Variants in MAGI2 observed in about 807,000 individuals in gnomAD.
MAGI2 encodes membrane-associated guanylate kinase, WW and PDZ domain-containing protein 2.
MAGI2 carries 35 observed loss-of-function variants against 133.3 expected under a neutral mutation model. That is an observed-to-expected ratio of 0.26 (90% CI 0.20 to 0.35). The LOEUF is 0.35. Among genes scored for constraint, MAGI2 ranks in the 10% least tolerant of loss-of-function variants. MAGI2 has a pLI of 1.00. For missense variants in MAGI2, 1,636 were observed against 1,863.4 expected, an observed-to-expected ratio of 0.88 and a Z score of 2.25; for synonymous variants, 729 against 710.6, an observed-to-expected ratio of 1.03 and a Z score of -0.41.
At chr7:78,920,093 A>C (rs572270240) in intron 2 of MAGI2, among the ~76,000 whole-genome samples, 3 of 152,242 alleles carry the variant, frequency 2.0e-5, no homozygotes, top group African/African-American at 7.2e-5. Flanking sequence ...TAAAATTTTT[A>C]CTAAGCCTCT....
At chr7:78,914,651 A>G (rs550906027) in intron 2 of MAGI2, among the ~76,000 whole-genome samples, 1 of 152,312 alleles carries the variant, frequency 6.6e-6, no homozygotes, top group African/African-American at 2.4e-5. Flanking sequence ...CTTCATTAGG[A>G]AGGAACTCCT....
rs749485218 is a variant in MAGI2, at chr7:78,019,302, G to T, written c.*13C>A. 1.3e-6 allele frequency: 2 copies of T among 1,570,218 alleles called. No homozygotes were observed. Among genetic ancestry groups the T allele is most frequent in the Non-Finnish European group, 8.6e-7 (1 of 1,167,848 alleles). On this transcript the variant is annotated 3_prime_UTR_variant, in exon 22 of 22. Coordinates refer to ENST00000354212, the MANE Select transcript of MAGI2 (RefSeq NM_012301.4). The stretch of plus-strand genomic sequence containing the variant: ...CTGCGCCGGGGCGGGCGGGTTGGCC[G>T]TGGCCGCGCGGCTCATCTGCTGGCG...
At chr7:79,195,808 T>C (rs1292198411) in intron 1 of MAGI2, among the ~76,000 whole-genome samples, 2 of 151,752 alleles carry the variant, frequency 1.3e-5, no homozygotes, top group Non-Finnish European at 2.9e-5. Context: ...AGATTTAATA[T>C]ACAACAACAT....
intron 9 of MAGI2, among the ~76,000 whole-genome samples, chr7:78,343,147 T>C (rs1043152629): frequency 6.6e-6 from 1 of 152,210 alleles, no homozygotes; most frequent in Non-Finnish European, 1.5e-5. Flanking sequence ...TACTTTTTCA[T>C]TTACTCTGTG....
At chr7:78,671,132 C>T (rs563304038) in intron 2 of MAGI2, among the ~76,000 whole-genome samples, 2 of 152,112 alleles carry the variant, frequency 1.3e-5, no homozygotes, top group African/African-American at 2.4e-5. Context: ...CAGGCACTTA[C>T]TTAATTTGCT....
intron 2 of MAGI2, among the ~76,000 whole-genome samples, chr7:78,732,433 TCTC>T (rs1821457197): frequency 1.3e-5 from 2 of 152,130 alleles, no homozygotes; most frequent in African/African-American, 4.8e-5. Context: ...TTGTGATGGG[TCTC>T]CTCATCTCAT....
intron 3 of MAGI2, among the ~76,000 whole-genome samples, chr7:78,533,067 A>G (rs58402375): frequency 0.36 from 53,967 of 151,602 alleles, 9,787 homozygotes; most frequent in South Asian, 0.45. Flanking sequence ...TCAGCCTCCC[A>G]AGTAGCTGGG....
intron 2 of MAGI2, among the ~76,000 whole-genome samples, chr7:78,784,203 G>GTTTTTTTTTTT (rs36109639): frequency 1.4e-5 from 2 of 147,280 alleles, no homozygotes. Context: ...AATGTTTTAG[G>GTTTTTTTTTTT]TTTTTTTTTT....
In MAGI2 at chr7:78,109,084, C is replaced by G. The variant is rs542769822; in HGVS notation, c.3567+16610G>C. On this transcript the variant is annotated intron_variant, in intron 20 of 21. Transcript: ENST00000354212. Reference sequence around the variant, plus strand: ...CTTTGGGAGGCCGAGGCGGGCGGATCACGAGGTCAGGAGATTGAGACCATC... The same window carrying G: ...CTTTGGGAGGCCGAGGCGGGCGGATGACGAGGTCAGGAGATTGAGACCATC... 4.2e-3 allele frequency among the ~76,000 whole-genome samples: 632 copies of G among 151,426 alleles called. 5 individuals are homozygous for G. The highest frequency in any genetic ancestry group is 9.6e-3 in the African/African-American group (395 of 41,332).
At chr7:78,127,552 C>T (rs1821120226) in intron 18 of MAGI2, 136 bp from the exon 19 acceptor site, 2 of 637,706 alleles carry the variant, frequency 3.1e-6, no homozygotes, top group East Asian at 6.0e-5. Flanking sequence ...GTTGGATGCT[C>T]AGGATTATGA....
intron 6 of MAGI2, among the ~76,000 whole-genome samples, chr7:78,448,360 C>G (rs972718080): frequency 6.6e-6 from 1 of 151,974 alleles, no homozygotes; most frequent in Non-Finnish European, 1.5e-5. Context: ...ATACTATTTT[C>G]CATAATGGAT....
At chr7:79,306,781 C>T (rs529129645) in intron 1 of MAGI2, among the ~76,000 whole-genome samples, 7 of 151,802 alleles carry the variant, frequency 4.6e-5, no homozygotes, top group African/African-American at 7.3e-5. Context: ...ATTGAATCTA[C>T]GTGTAAATCT....
chr7:78,794,034 C>T (rs1355424763), intron 2 of MAGI2, among the ~76,000 whole-genome samples: 2 of 152,208 alleles, frequency 1.3e-5, no homozygotes, highest in Non-Finnish European at 2.9e-5. Flanking sequence ...CTAGATGGTA[C>T]TTGCATCTGA....
In MAGI2 at chr7:78,579,119, T is replaced by A. The variant is rs137949486; in HGVS notation, c.538+48001A>T. On this transcript the variant is annotated intron_variant, in intron 3 of 21. Coordinates refer to ENST00000354212, the MANE Select transcript of MAGI2 (RefSeq NM_012301.4). ...TCCTGCTAGACTATAAGCTCCATGC[T>A]ACTTAAAGGAAAAATAAAAAGCAAC... Among the ~76,000 whole-genome samples the A allele has an allele frequency of 4.2e-3, 640 of 152,258 alleles. 5 individuals carry two copies. Among genetic ancestry groups the A allele is most frequent in the African/African-American group, 0.015 (614 of 41,536 alleles).
chr7:79,441,298 C>A (rs1000072299), intron 1 of MAGI2, among the ~76,000 whole-genome samples: 1 of 152,144 alleles, frequency 6.6e-6, no homozygotes, highest in African/African-American at 2.4e-5. Context: ...TTGTGGTTTT[C>A]TAAGTTCTAT....
At chr7:79,154,433 T>A (rs1388220451) in intron 1 of MAGI2, among the ~76,000 whole-genome samples, 11 of 152,182 alleles carry the variant, frequency 7.2e-5, no homozygotes, top group Non-Finnish European at 1.5e-5. Flanking sequence ...ACAAAGAATG[T>A]CTCTCTGCTA....
chr7:79,339,616 C>T (rs1037702135), intron 1 of MAGI2, among the ~76,000 whole-genome samples: 4 of 152,054 alleles, frequency 2.6e-5, no homozygotes, highest in Admixed American at 6.6e-5. Flanking sequence ...AGTTCTACTA[C>T]GTATATTAAG....
rs191160207 is a variant in MAGI2 at position 78,151,971 on chromosome 7, G to A, written c.2845+8054C>T. 4.6e-3 allele frequency among the ~76,000 whole-genome samples: 696 copies of A among 152,132 alleles called. 7 individuals are homozygous for A. The highest frequency in any genetic ancestry group is 0.016 in the African/African-American group (661 of 41,492). Reference sequence around the variant, plus strand: ...AAAATCCTTGAAAAAAACCTATCAGGAATTGTGAAGGATCCAAAGAAATGC... The same window carrying A: ...AAAATCCTTGAAAAAAACCTATCAGAAATTGTGAAGGATCCAAAGAAATGC... On this transcript the variant is annotated intron_variant, in intron 16 of 21. Transcript: ENST00000354212.
chr7:78,305,922 ATG>A (rs1798213419), intron 9 of MAGI2, among the ~76,000 whole-genome samples: 1 of 152,190 alleles, frequency 6.6e-6, no homozygotes, highest in Non-Finnish European at 1.5e-5. Context: ...GTAACAAATA[ATG>A]TGGCATAATT....
Sources: gnomAD v4.1 joint callset for allele counts (sites outside exome capture counted in the v4.1 genomes callset) on GRCh38, gnomAD v4.1.1 for gene constraint, MANE v1.5 for transcripts, NCBI Gene and HGNC (gene_info 2026-07-23, HGNC 2026-07-21) for gene names.